The following CALN1 variants were observed in gnomAD, a reference collection of about 807,000 sequenced individuals.
The protein encoded by CALN1 is calcium-binding protein 8.
In CALN1, 17 loss-of-function variants were observed where a neutral mutation model predicts 30.6. That is an observed-to-expected ratio of 0.56 (90% CI 0.38 to 0.83). The LOEUF (loss-of-function observed/expected upper bound fraction) is 0.83, where lower values mean the gene tolerates loss of function less well. Ranked by LOEUF, CALN1 falls within the 40% of genes least tolerant of loss-of-function variation. CALN1 has a pLI of 0.00. For missense variants in CALN1, 291 were observed against 354.9 expected (o/e 0.82, Z 1.45); for synonymous variants, 156 against 131.4 (o/e 1.19, Z -1.28).
intron 3 of CALN1, among the ~76,000 whole-genome samples, chr7:72,272,732 T>C (rs542819705): frequency 2.0e-5 from 3 of 152,160 alleles, no homozygotes; most frequent in Non-Finnish European, 2.9e-5. Context: ...CCACAATACA[T>C]TGACAGTAAA....
chr7:72,347,500 A>T (rs201736268), intron 2 of CALN1, among the ~76,000 whole-genome samples: 1 of 152,084 alleles, frequency 6.6e-6, no homozygotes, highest in Non-Finnish European at 1.5e-5. Context: ...TCCCGACCTC[A>T]GGTGATGCGC....
At chr7:71,815,984 C>A (rs1162966994) in intron 5 of CALN1, among the ~76,000 whole-genome samples, 2 of 151,610 alleles carry the variant, frequency 1.3e-5, no homozygotes, top group Non-Finnish European at 2.9e-5. Context: ...CTCAAGCAAT[C>A]TTCTAGGTGG....
chr7:71,867,256 T>C (rs771731066), intron 5 of CALN1, among the ~76,000 whole-genome samples: 2 of 151,932 alleles, frequency 1.3e-5, no homozygotes, highest in South Asian at 4.2e-4. Flanking sequence ...AGAAGGCGTC[T>C]GTCAGGAAAT....
chr7:71,808,268 C>A (rs1042690884), intron 6 of CALN1, among the ~76,000 whole-genome samples: 1 of 148,750 alleles, frequency 6.7e-6, no homozygotes, highest in African/African-American at 2.5e-5. Context: ...AGTGCCTGGG[C>A]TAATAGTTAT....
chr7:72,232,763 A>G (rs566454209), intron 3 of CALN1, among the ~76,000 whole-genome samples: 4 of 152,326 alleles, frequency 2.6e-5, no homozygotes, highest in African/African-American at 9.6e-5. Context: ...CCTGGCTTAA[A>G]AAGTATTTTT....
chr7:72,419,800 G>A (rs1374587110), intron 1 of CALN1, among the ~76,000 whole-genome samples: 1 of 152,162 alleles, frequency 6.6e-6, no homozygotes, highest in Middle Eastern at 3.2e-3. Flanking sequence ...GAGACTACAG[G>A]TACATGCAGC....
chr7:71,906,148 C>T (rs922035674), intron 5 of CALN1, among the ~76,000 whole-genome samples: 6 of 152,164 alleles, frequency 3.9e-5, no homozygotes, highest in African/African-American at 1.2e-4. Context: ...ACAAGCCTAA[C>T]CATATAATAA....
At chr7:72,060,769 C>T (rs1045422251) in intron 4 of CALN1, among the ~76,000 whole-genome samples, 5 of 152,048 alleles carry the variant, frequency 3.3e-5, no homozygotes, top group African/African-American at 7.3e-5. Flanking sequence ...GGATCTCCCC[C>T]GTCTCTCATG....
At chr7:72,315,556 A>G (rs940849103) in intron 2 of CALN1, among the ~76,000 whole-genome samples, 4 of 151,968 alleles carry the variant, frequency 2.6e-5, no homozygotes, top group Non-Finnish European at 5.9e-5. Context: ...AAATAAAAAA[A>G]TTAGATGGTG....
intron 5 of CALN1, among the ~76,000 whole-genome samples, chr7:71,891,746 C>T (rs757384183): frequency 6.6e-5 from 10 of 151,954 alleles, no homozygotes; most frequent in Non-Finnish European, 1.2e-4. Flanking sequence ...GAGTTCGAGA[C>T]CAGTCTGGCT....
At chr7:72,478,397 A>G in the CALN1 span, among the ~76,000 whole-genome samples, 1 of 144,660 alleles carries the variant, frequency 6.9e-6, no homozygotes, top group African/African-American at 2.7e-5. Flanking sequence ...ATAGAAATAT[A>G]TATATATTTT....
chr7:71,995,095 G>A (rs776739727), intron 5 of CALN1, among the ~76,000 whole-genome samples: 9 of 152,044 alleles, frequency 5.9e-5, no homozygotes, highest in Non-Finnish European at 1.0e-4. Flanking sequence ...CTCATGATCC[G>A]CCTGCCTCGG....
chr7:72,245,540 C>T (rs999719277), intron 3 of CALN1, among the ~76,000 whole-genome samples: 3 of 151,972 alleles, frequency 2.0e-5, no homozygotes, highest in African/African-American at 7.3e-5. Context: ...AATCACTTGA[C>T]CTGGGAGGCA....
At position 71,798,123 on chromosome 7, in the gene CALN1, C is replaced by CAGAGAG. The variant is rs3973907; in HGVS notation, c.659-10227_659-10222dup. On this transcript the variant is annotated intron_variant, in intron 6 of 6. Transcript: ENST00000395275. ...AGACAGAGAGAGACAGAGACAGAGA[C>CAGAGAG]AGAGAGAGAGAGAGAGAGAGAGAGA... Among the ~76,000 whole-genome samples the CAGAGAG allele has an allele frequency of 3.9e-3, 276 of 71,004 alleles. 5 individuals carry two copies. Among genetic ancestry groups the CAGAGAG allele is most frequent in the South Asian group, 6.5e-3 (10 of 1,540 alleles). 46.6% of individuals were successfully genotyped at this position (71,004 alleles called of 152,430 possible).
At chr7:71,933,581 G>A (rs1027120830) in intron 5 of CALN1, among the ~76,000 whole-genome samples, 14 of 152,138 alleles carry the variant, frequency 9.2e-5, no homozygotes, top group Non-Finnish European at 1.6e-4. Context: ...AGAAATGGTT[G>A]CTTTGCTTAA....
At chr7:72,368,157 GTA>G (rs150410575) in intron 2 of CALN1, among the ~76,000 whole-genome samples, 20 of 150,658 alleles carry the variant, frequency 1.3e-4, no homozygotes, top group South Asian at 4.2e-4. Flanking sequence ...CTATGTGTGT[GTA>G]TATATATATG....
intron 5 of CALN1, among the ~76,000 whole-genome samples, chr7:71,923,175 A>G (rs1319552308): frequency 6.6e-6 from 1 of 152,066 alleles, no homozygotes; most frequent in African/African-American, 2.4e-5. Context: ...AGTAGCTTCA[A>G]AGTGGACTTT....
At chr7:72,250,731 C>T (rs188005642) in intron 3 of CALN1, among the ~76,000 whole-genome samples, 8 of 152,148 alleles carry the variant, frequency 5.3e-5, no homozygotes, top group Admixed American at 2.0e-4. Flanking sequence ...CCTCTTGCGA[C>T]GTGATGCCCA....
At chr7:71,928,774 A>G (rs910287846) in intron 5 of CALN1, among the ~76,000 whole-genome samples, 3 of 152,082 alleles carry the variant, frequency 2.0e-5, no homozygotes, top group African/African-American at 7.2e-5. Flanking sequence ...GCTCATGCCT[A>G]TAATATCACC....
Sources: gnomAD v4.1 joint callset for allele counts (sites outside exome capture counted in the v4.1 genomes callset) on GRCh38, gnomAD v4.1.1 for gene constraint, MANE v1.5 for transcripts, NCBI Gene and HGNC (gene_info 2026-07-23, HGNC 2026-07-21) for gene names.